The following LIPA variants were observed in gnomAD, a reference collection of about 807,000 sequenced individuals.
The protein encoded by LIPA is lipase A, lysosomal acid type, also known as lysosomal acid lipase/cholesteryl ester hydrolase.
In LIPA, 26 loss-of-function variants were observed where a neutral mutation model predicts 40.6. That is an observed-to-expected ratio of 0.64 (90% CI 0.47 to 0.89). LIPA has a LOEUF of 0.89. Among genes scored for constraint, LIPA ranks in the 40% least tolerant of loss-of-function variants. The pLI is 0.00. For synonymous variants in LIPA, 188 were observed against 168.4 expected (o/e 1.12, Z -0.90); for missense variants, 455 against 479.6 (o/e 0.95, Z 0.48).
At chr10:89,263,295 T>TA (rs1384277347) in intron 1 of LIPA, among the ~76,000 whole-genome samples, 1 of 152,222 alleles carries the variant, frequency 6.6e-6, no homozygotes, top group East Asian at 1.9e-4. Context: ...TTAGAAAGAT[T>TA]ATAAAAACAA....
In LIPA at chr10:89,245,783, A is replaced by G; in HGVS notation, c.122T>C (p.Ile41Thr). Reference sequence around the variant, plus strand: ...CTCACTAGGGAATCCCCAGTAAGAGATAATTTCACTCTGTAGAGAAAAAGG... The same window carrying G: ...CTCACTAGGGAATCCCCAGTAAGAGGTAATTTCACTCTGTAGAGAAAAAGG... ...PETNMNVSEI[I>T]SYWGFPSEEY... The change falls in exon 3 of 10, where the codon ATC (isoleucine) becomes ACC (threonine). Residue 41 changes from isoleucine to threonine, a missense_variant. Ile to Thr is a moderately conservative substitution (Grantham distance 89, BLOSUM62 -1). Coordinates refer to ENST00000336233, the MANE Select transcript of LIPA (RefSeq NM_000235.4). The G allele has an allele frequency of 6.5e-7, 1 of 1,529,458 alleles. No individual in the cohort carries two copies. Among genetic ancestry groups the G allele is most frequent in the Non-Finnish European group, 9.1e-7 (1 of 1,102,742 alleles). 94.7% of individuals were successfully genotyped at this position (1,529,458 alleles called of 1,614,324 possible).
chr10:89,384,102 A>G lies in LIPA; in HGVS notation c.61+28689T>C, dbSNP rs763717028. The G allele has an allele frequency of 3.1e-6, 5 of 1,614,064 alleles. No homozygotes were observed. In the East Asian group the frequency reaches 8.9e-5, roughly 29 times the overall value. On this transcript the variant is annotated intron_variant, in intron 2 of 8. Coordinates refer to the LIPA transcript ENST00000371837. ...AATATGCAGCCAAGTTTTATCGAAG[A>G]AAAGGGTCTGTGGATAAAGCTCTTG... is the stretch of plus-strand genomic sequence containing the variant.
intron 1 of LIPA, among the ~76,000 whole-genome samples, chr10:89,287,494 T>C (rs1456848799): frequency 6.6e-6 from 1 of 152,128 alleles, no homozygotes; most frequent in Non-Finnish European, 1.5e-5. Flanking sequence ...TCCCTGACTA[T>C]TCCTAAACTA....
At chr10:89,304,923 G>A (rs926773215) in intron 1 of LIPA, among the ~76,000 whole-genome samples, 6 of 151,926 alleles carry the variant, frequency 3.9e-5, no homozygotes, top group Admixed American at 3.9e-4. Flanking sequence ...GTGGCCTTGT[G>A]AGCCTTCCCT....
chr10:89,297,214 A>G (rs1442759161), intron 1 of LIPA, among the ~76,000 whole-genome samples: 1 of 152,208 alleles, frequency 6.6e-6, no homozygotes, highest in Non-Finnish European at 1.5e-5. Flanking sequence ...TCAGCAGTCC[A>G]CATCCCTCCT....
intron 2 of LIPA, among the ~76,000 whole-genome samples, chr10:89,400,954 CTGTT>C (rs1844412350): frequency 7.3e-6 from 1 of 137,374 alleles, no homozygotes; most frequent in Admixed American, 6.7e-5. Context: ...AGTCTATAGT[CTGTT>C]TTTTTTTTCA....
At chr10:89,307,020 A>G in intron 1 of LIPA, 2 of 1,613,976 alleles carry the variant, frequency 1.2e-6, no homozygotes, top group Non-Finnish European at 1.7e-6. Context: ...GACGCAGAGT[A>G]TTACTTCCAA....
chr10:89,248,169 A>AT lies in LIPA; in HGVS notation c.-1-521dup, dbSNP rs771857161. Among the ~76,000 whole-genome samples, 943 of 120,606 alleles carry AT rather than the reference A, an allele frequency of 7.8e-3. 5 individuals carry two copies. The highest frequency in any genetic ancestry group is 0.022 in the African/African-American group (706 of 32,228). 79.1% of individuals were successfully genotyped at this position (120,606 alleles called of 152,430 possible). A position where few individuals can be genotyped will look rare whatever the true frequency, so the allele number is the denominator to read the frequency against. ...CGTGAGCCACCGCGCCTGCCCAGGA[A>AT]TTTTTTTTTTTTTTCGGAGTCTCGC... is the stretch of plus-strand genomic sequence containing the variant. On this transcript the variant is annotated intron_variant, in intron 1 of 9. Coordinates refer to ENST00000336233, the MANE Select transcript of LIPA (RefSeq NM_000235.4).
rs759217621 is a variant in LIPA, at chr10:89,215,034, C to A, written c.994G>T (p.Asp332Tyr). The change falls in exon 10 of 10, where the codon GAC (aspartate) becomes TAC (tyrosine). Residue 332 changes from aspartate (D) to tyrosine (Y), a missense_variant. Asp to Tyr is a radical substitution (Grantham distance 160, BLOSUM62 -3). Coordinates refer to ENST00000336233, the MANE Select transcript of LIPA (RefSeq NM_000235.4). ...QSYPPTYNVKDMLVPTAVWSG... is the reference protein window; with the variant it reads ...QSYPPTYNVKYMLVPTAVWSG... ...CAGACTGCAGTCGGCACAAGCATGT[C>A]CTTCACATTGTATGTGGGAGGATAA... The A allele has an allele frequency of 6.2e-7, 1 of 1,613,742 alleles. No individual in the cohort carries two copies. Among genetic ancestry groups the A allele is most frequent in the South Asian group, 1.1e-5 (1 of 91,088 alleles).
intron 2 of LIPA, among the ~76,000 whole-genome samples, chr10:89,410,607 C>T (rs373658631): frequency 1.3e-5 from 2 of 152,204 alleles, no homozygotes; most frequent in Non-Finnish European, 1.5e-5. Context: ...GGCACTTACC[C>T]GAGCCTTAGA....
In LIPA at chr10:89,298,843, A is replaced by G. The variant is rs149263984; in HGVS notation, c.-2+43768T>C. ...TCTACTAAAAATACAAAAATTAGCCAGGCACGGTGGTACATGCCTGTAATC... is the reference window on the plus strand; with the variant it reads ...TCTACTAAAAATACAAAAATTAGCCGGGCACGGTGGTACATGCCTGTAATC... On this transcript the variant is annotated intron_variant, in intron 1 of 5. Transcript: ENST00000282673. 8.9e-3 allele frequency among the ~76,000 whole-genome samples: 1,351 copies of G among 151,996 alleles called. 23 individuals are homozygous for G. The highest frequency in any genetic ancestry group is 0.03 in the African/African-American group (1,241 of 41,474).
At chr10:89,307,417 A>G (rs1843489625) in intron 1 of LIPA, 2 of 1,479,944 alleles carry the variant, frequency 1.4e-6, no homozygotes, top group East Asian at 4.6e-5. Flanking sequence ...GCTGAAAGGG[A>G]GCTGAAATTC....
intron 6 of LIPA, 113 bp downstream of exon 6, chr10:89,224,979 C>G: frequency 7.5e-7 from 1 of 1,341,000 alleles, no homozygotes; most frequent in Non-Finnish European, 1.1e-6. Context: ...CACTGCTCCA[C>G]TGATATCAAA....
intron 2 of LIPA, among the ~76,000 whole-genome samples, chr10:89,378,453 A>G (rs1844138433): frequency 6.6e-6 from 1 of 152,110 alleles, no homozygotes; most frequent in African/African-American, 2.4e-5. Flanking sequence ...AGAGGAGAGA[A>G]CCAGACCCAA....
Position 89,266,350 on chromosome 10 carries a change from A to G in LIPA, c.-1-18701T>C, listed in dbSNP as rs374613241. On this transcript the variant is annotated intron_variant, in intron 1 of 5. Coordinates refer to the LIPA transcript ENST00000282673. ...TGGTAGCATATAAATTCAGTCAAGA[A>G]TGATGGTGATGCCAAACAACCACAG... is the stretch of plus-strand genomic sequence containing the variant. Among the ~76,000 whole-genome samples, 1,125 of 152,242 alleles carry G rather than the reference A, an allele frequency of 7.4e-3. 18 individuals carry two copies. Among genetic ancestry groups the G allele is most frequent in the African/African-American group, 0.026 (1,074 of 41,524 alleles).
rs540752806 is a variant in LIPA, at chr10:89,259,494, T to C, written c.-1-11845A>G. Reference sequence around the variant, plus strand: ...GGAATGTAAACTGGTACAATCACTTTAGATAAAAGATTATAAGTATATCTA... The same window carrying C: ...GGAATGTAAACTGGTACAATCACTTCAGATAAAAGATTATAAGTATATCTA... On this transcript the variant is annotated intron_variant, in intron 1 of 5. Transcript: ENST00000282673. 3.3e-5 allele frequency among the ~76,000 whole-genome samples: 5 copies of C among 152,358 alleles called. No homozygotes were observed. The South Asian group carries it at 6.2e-4, about 19-fold the overall frequency.
chr10:89,400,121 T>C (rs1844401655), intron 2 of LIPA, among the ~76,000 whole-genome samples: 1 of 152,260 alleles, frequency 6.6e-6, no homozygotes, highest in Admixed American at 6.5e-5. Flanking sequence ...TTCTATTCTA[T>C]TTCACTGGTC....
At chr10:89,229,486 C>A (rs1237285325) in intron 3 of LIPA, among the ~76,000 whole-genome samples, 1 of 152,186 alleles carries the variant, frequency 6.6e-6, no homozygotes, top group Non-Finnish European at 1.5e-5. Flanking sequence ...TGTGGTGGTT[C>A]ATGCCTGCAA....
In LIPA at chr10:89,403,521, G is replaced by T. The variant is rs777657919; in HGVS notation, c.61+9270C>A. On this transcript the variant is annotated intron_variant, in intron 2 of 8. Coordinates refer to the LIPA transcript ENST00000371837. ...AATAGAACAGGCATCATTAACAAGG[G>T]ATAAAAGTATCAATTCTTTGAAGAA... 4.3e-6 allele frequency: 7 copies of T among 1,613,742 alleles called. No homozygotes were observed. The East Asian group carries it at 6.7e-5, about 15-fold the overall frequency.
Sources: gnomAD v4.1 joint callset for allele counts (sites outside exome capture counted in the v4.1 genomes callset) on GRCh38, gnomAD v4.1.1 for gene constraint, MANE v1.5 for transcripts, NCBI Gene and HGNC (gene_info 2026-07-23, HGNC 2026-07-21) for gene names.